Variants in KIF14 observed in about 807,000 individuals in gnomAD.
The protein encoded by KIF14 is kinesin-like protein KIF14.
KIF14 carries 98 observed loss-of-function variants against 176.2 expected under a neutral mutation model. That is an observed-to-expected ratio of 0.56 (90% CI 0.47 to 0.66). The LOEUF (loss-of-function observed/expected upper bound fraction) is 0.66. Among genes scored for constraint, KIF14 ranks in the 30% least tolerant of loss-of-function variants. The pLI, the probability that KIF14 is intolerant of heterozygous loss-of-function variation, is 0.00. For synonymous variants in KIF14, 566 were observed against 632.2 expected (o/e 0.90, Z 1.57); for missense variants, 1,751 against 1,920.4 (o/e 0.91, Z 1.65).
chr1:200,577,253 G>A (rs1361310130), intron 21 of KIF14, among the ~76,000 whole-genome samples: 1 of 152,136 alleles, frequency 6.6e-6, no homozygotes, highest in African/African-American at 2.4e-5. Context: ...GAACCTGGGA[G>A]GTGAAGGTTG....
chr1:200,577,627 G>A (rs567282049), intron 21 of KIF14, among the ~76,000 whole-genome samples: 18 of 151,938 alleles, frequency 1.2e-4, no homozygotes, highest in African/African-American at 4.1e-4. Flanking sequence ...CTTGAACCCG[G>A]GAGACGGAGG....
intron 19 of KIF14, among the ~76,000 whole-genome samples, chr1:200,585,021 G>A (rs1315705753): frequency 1.3e-5 from 2 of 152,144 alleles, no homozygotes; most frequent in African/African-American, 4.8e-5. Flanking sequence ...CTTATATGTG[G>A]AATCTAAAAA....
Position 200,580,362 on chromosome 1 carries a change from A to G in KIF14, c.3357T>C (p.Ser1119=). 1.3e-6 allele frequency: 2 copies of G among 1,511,880 alleles called. No individual in the cohort carries two copies. The highest frequency in any genetic ancestry group is 1.8e-6 in the Non-Finnish European group (2 of 1,124,810). The allele number at this position is 1,511,880 out of a possible 1,614,324, so 93.7% of individuals were successfully genotyped here. A position where few individuals can be genotyped will look rare whatever the true frequency, so the allele number is the denominator to read the frequency against. The change falls in exon 21 of 30, where the codon AGT becomes AGC. Residue 1119 remains serine (S), a synonymous_variant. Transcript: ENST00000367350. ...VFGRHDISDK[S]SSDTSIRVRN... The stretch of plus-strand genomic sequence containing the variant: ...GAACCCGAATAGAAGTGTCAGAACT[A>G]CTTTTATCTGATATATCATGTCTGA...
At chr1:200,614,608 GT>G (rs1422984785) in intron 3 of KIF14, among the ~76,000 whole-genome samples, 2 of 151,960 alleles carry the variant, frequency 1.3e-5, no homozygotes, top group South Asian at 4.2e-4. Flanking sequence ...TTCCTCTACT[GT>G]AAAACAGGAA....
In KIF14 at chr1:200,603,338, CT is replaced by C; in HGVS notation, c.1866del (p.Gly623ValfsTer2). 6.5e-7 allele frequency: 1 copy of C among 1,539,448 alleles called. No individual in the cohort carries two copies. Among genetic ancestry groups the C allele is most frequent in the Non-Finnish European group, 8.8e-7 (1 of 1,130,874 alleles). On this transcript the variant is annotated frameshift_variant and splice_region_variant, in exon 10 of 30. Transcript: ENST00000367350. LOFTEE classifies it high-confidence loss of function. Reference protein sequence around the residue: ...TAHTNGDRLKEGVSINKSLLT... With the variant: ...TAHTNGDRLKXGVSINKSLLT... ...AGCAAGGACTTATTAATACTCACAC[CT>C]TCCTGCATGCAAGAAAAAAAAAATT...
intron 13 of KIF14, 108 bp downstream of exon 13, chr1:200,599,942 T>C (rs1002783556): frequency 4.3e-5 from 29 of 671,534 alleles, no homozygotes; most frequent in Non-Finnish European, 6.5e-5. Flanking sequence ...AGTCAGTATA[T>C]AGTAAGTATT....
At chr1:200,608,589 C>T (rs775903775) in intron 5 of KIF14, among the ~76,000 whole-genome samples, 1 of 152,114 alleles carries the variant, frequency 6.6e-6, no homozygotes, top group African/African-American at 2.4e-5. Flanking sequence ...TCTTGAACTC[C>T]TGAGCTCTGG....
rs1312502689 is a variant in KIF14 at position 200,617,865 on chromosome 1, G to A, written c.859C>T (p.Leu287=). ...TGAGGCAGGCTGCACTTTGTTGTCA[G>A]TTTGTGTTCTGTTGTACATTTTGTA... is the stretch of plus-strand genomic sequence containing the variant. ...TPTKCTTEHK[L]TTKCSLPQLK... The change falls in exon 2 of 30, where the codon CTG becomes TTG. Residue 287 remains leucine (L), a synonymous_variant. Transcript: ENST00000367350. 5 of 1,614,158 alleles carry A rather than the reference G, an allele frequency of 3.1e-6. No individual in the cohort carries two copies. Among genetic ancestry groups the A allele is most frequent in the East Asian group, 2.2e-5 (1 of 44,886 alleles).
At position 200,578,858 on chromosome 1, in the gene KIF14, A is replaced by G. The variant is rs189288907; in HGVS notation, c.3465+1396T>C. The stretch of plus-strand genomic sequence containing the variant: ...TGTAATCCCAGCACTTTGGGAGGCC[A>G]AGGCGGGTGGATCACAAGGTCTGGA... On this transcript the variant is annotated intron_variant, in intron 21 of 29. Transcript: ENST00000367350. Among the ~76,000 whole-genome samples, 198 of 152,252 alleles carry G rather than the reference A, an allele frequency of 1.3e-3. 5 individuals are homozygous for G. The East Asian group carries it at 0.035, about 27-fold the overall frequency.
chr1:200,602,113 A>G (rs752697154), intron 10 of KIF14, 45 bp from the exon 11 acceptor site: 113 of 1,522,272 alleles, frequency 7.4e-5, no homozygotes, highest in Admixed American at 6.6e-4. Flanking sequence ...CAACAACTTA[A>G]TAACAGTAAT....
chr1:200,557,160 C>T (rs1376858166), intron 27 of KIF14, among the ~76,000 whole-genome samples: 3 of 152,114 alleles, frequency 2.0e-5, no homozygotes, highest in African/African-American at 2.4e-5. Flanking sequence ...TGCACCACCA[C>T]GCTCAGCTAA....
chr1:200,603,997 T>A (rs751856107), intron 8 of KIF14, 42 bp from the exon 9 acceptor site: 22 of 1,191,542 alleles, frequency 1.8e-5, no homozygotes, highest in Non-Finnish European at 2.8e-5. Flanking sequence ...TTCTATTACT[T>A]CCAATCAATA....
At position 200,553,663 on chromosome 1, in the gene KIF14, T is replaced by C. The variant is rs1412982497; in HGVS notation, c.4672A>G (p.Ser1558Gly). Residue 1558 changes from serine to glycine, a missense_variant, in exon 30 of 30, where the codon AGC becomes GGC. Physicochemically the swap from Ser to Gly is moderately conservative, Grantham distance 56. Coordinates refer to ENST00000367350, the MANE Select transcript of KIF14 (RefSeq NM_014875.3). ...DFSVPSTSVGSYESRVTHIVH... is the reference protein window; with the variant it reads ...DFSVPSTSVGGYESRVTHIVH... Reference sequence around the variant, plus strand: ...ATGTGAGTTACTCTACTCTCATAGCTGCCAACAGAAGTAGAAGGCACACTG... The same window carrying C: ...ATGTGAGTTACTCTACTCTCATAGCCGCCAACAGAAGTAGAAGGCACACTG... 1 of 1,614,098 alleles carries C rather than the reference T, an allele frequency of 6.2e-7. No individual in the cohort carries two copies. Among genetic ancestry groups the C allele is most frequent in the Admixed American group, 1.7e-5 (1 of 60,020 alleles).
At chr1:200,570,137 A>T (rs1296073249) in intron 22 of KIF14, 132 bp from the exon 23 acceptor site, 3 of 480,550 alleles carry the variant, frequency 6.2e-6, no homozygotes, top group Non-Finnish European at 1.1e-5. Flanking sequence ...TCATCAAAGG[A>T]AAAATTCATT....
intron 5 of KIF14, among the ~76,000 whole-genome samples, chr1:200,607,146 T>C (rs940679473): frequency 1.3e-5 from 2 of 151,912 alleles, no homozygotes; most frequent in Non-Finnish European, 2.9e-5. Flanking sequence ...TGTTTGTTTG[T>C]TTGTCTGTTT....
intron 6 of KIF14, 138 bp downstream of exon 6, chr1:200,606,608 G>T: frequency 1.3e-6 from 1 of 748,738 alleles, no homozygotes; most frequent in Non-Finnish European, 2.3e-6. Context: ...AATATCAAGG[G>T]TAGAAGGCTA....
intron 19 of KIF14, among the ~76,000 whole-genome samples, chr1:200,585,508 A>G (rs549055898): frequency 6.6e-6 from 1 of 152,340 alleles, no homozygotes; most frequent in East Asian, 1.9e-4. Context: ...TATATTTTTT[A>G]AAAACATGCT....
Position 200,552,058 on chromosome 1 carries a change from C to A in KIF14, c.*1330G>T, listed in dbSNP as rs191227310. On this transcript the variant is annotated 3_prime_UTR_variant, in exon 30 of 30. Coordinates refer to ENST00000367350, the MANE Select transcript of KIF14 (RefSeq NM_014875.3). Reference sequence around the variant, plus strand: ...GAAACTATCAGATTTATTCATGGTACGAATGGCCAATTTCAACTAGTTATG... The same window carrying A: ...GAAACTATCAGATTTATTCATGGTAAGAATGGCCAATTTCAACTAGTTATG... 2 of 152,230 alleles carry A rather than the reference C, an allele frequency of 1.3e-5. No individual in the cohort carries two copies. Among genetic ancestry groups the A allele is most frequent in the Non-Finnish European group, 2.9e-5 (2 of 68,020 alleles). 9.4% of individuals were successfully genotyped at this position (152,230 alleles called of 1,614,324 possible).
chr1:200,577,598 C>A (rs191362087), intron 21 of KIF14, among the ~76,000 whole-genome samples: 80 of 150,912 alleles, frequency 5.3e-4, no homozygotes, highest in Admixed American at 1.2e-3. Context: ...AGATTGAGAC[C>A]GCTGACGCAG....
Sources: gnomAD v4.1 joint callset for allele counts (sites outside exome capture counted in the v4.1 genomes callset) on GRCh38, gnomAD v4.1.1 for gene constraint, MANE v1.5 for transcripts, NCBI Gene and HGNC (gene_info 2026-07-23, HGNC 2026-07-21) for gene names.